Variants in PCDHA1 observed in about 807,000 individuals in gnomAD.
PCDHA1 encodes protocadherin alpha 1, also known as protocadherin alpha-1.
A neutral mutation model predicts 61.3 loss-of-function variants in PCDHA1; 42 were observed. The observed-to-expected ratio is 0.69, with a 90% CI of 0.54 to 0.89. PCDHA1 has a LOEUF of 0.89. PCDHA1 is among the 40% of genes least tolerant of loss of function. PCDHA1 has a pLI of 0.00. For missense variants in PCDHA1, 1,256 were observed against 1,235.3 expected (o/e 1.02, Z -0.25); for synonymous variants, 610 against 553.8 (o/e 1.10, Z -1.43).
chr5:140,879,010 G>T (rs2057809352), intron 1 of PCDHA1, among the ~76,000 whole-genome samples: 1 of 152,200 alleles, frequency 6.6e-6, no homozygotes, highest in African/African-American at 2.4e-5. Context: ...CTAGAAATCA[G>T]ATAATGTTTT....
At chr5:140,833,463 ATT>A (rs1554133852) in intron 1 of PCDHA1, among the ~76,000 whole-genome samples, 3 of 152,250 alleles carry the variant, frequency 2.0e-5, no homozygotes, top group Non-Finnish European at 4.4e-5. Context: ...ATAAACTTAC[ATT>A]TTAAAAGAAA....
intron 2 of PCDHA1, among the ~76,000 whole-genome samples, chr5:140,981,687 ATCATTCAT>A (rs200213847): frequency 3.3e-5 from 5 of 151,972 alleles, no homozygotes; most frequent in South Asian, 2.1e-4. Flanking sequence ...CCTCCCTTCC[ATCATTCAT>A]TCATTCATTC....
At chr5:140,858,451 T>C in intron 1 of PCDHA1, 1 of 1,531,552 alleles carries the variant, frequency 6.5e-7, no homozygotes, top group East Asian at 2.4e-5. Context: ...GTTATTACGT[T>C]TTCATTTTCC....
At position 140,850,229 on chromosome 5, in the gene PCDHA1, C is replaced by G. The variant is rs2150474580; in HGVS notation, c.2394+61545C>G. ...TGAGGGGCACTGACGGCGCAGTGAGCGAGATGGTGCTGCGGTCGGTGGGCG... is the reference window on the plus strand; with the variant it reads ...TGAGGGGCACTGACGGCGCAGTGAGGGAGATGGTGCTGCGGTCGGTGGGCG... On this transcript the variant is annotated intron_variant, in intron 1 of 3. Transcript: ENST00000504120. The G allele has an allele frequency of 9.4e-6, 15 of 1,593,582 alleles. No individual in the cohort carries two copies. In the East Asian group the frequency reaches 3.3e-4, roughly 36 times the overall value.
intron 1 of PCDHA1, chr5:140,835,670 C>A: frequency 6.2e-7 from 1 of 1,613,852 alleles, no homozygotes; most frequent in Non-Finnish European, 8.5e-7. Flanking sequence ...CCGCGCGGGA[C>A]GGGGGCTCGC....
chr5:140,966,351 T>C (rs2095993357), intron 1 of PCDHA1: 1 of 397,668 alleles, frequency 2.5e-6, no homozygotes, highest in South Asian at 1.4e-4. Flanking sequence ...GTGAAGGAGA[T>C]GGGGCTGGAG....
intron 1 of PCDHA1, chr5:140,805,434 T>G: frequency 1.9e-6 from 2 of 1,052,646 alleles, no homozygotes; most frequent in South Asian, 7.1e-5. Context: ...GTTGTTTTGG[T>G]TTTTGTGTGT....
intron 1 of PCDHA1, chr5:140,884,197 G>A (rs146010500): frequency 3.1e-6 from 5 of 1,613,234 alleles, no homozygotes; most frequent in Non-Finnish European, 4.2e-6. Context: ...TGGACGCGCC[G>A]CACCACCGCC....
chr5:140,928,293 G>GT (rs2085123670), intron 1 of PCDHA1: 1 of 1,614,032 alleles, frequency 6.2e-7, no homozygotes, highest in South Asian at 1.1e-5. Context: ...TAGGCCGAGT[G>GT]TTTGCCCAGG....
Position 140,849,622 on chromosome 5 carries a change from A to G in PCDHA1, c.2394+60938A>G. The G allele has an allele frequency of 1.9e-6, 3 of 1,598,702 alleles. 1 individual carries two copies. The highest frequency in any genetic ancestry group is 2.6e-6 in the Non-Finnish European group (3 of 1,167,960). On this transcript the variant is annotated intron_variant, in intron 1 of 3. Coordinates refer to ENST00000504120, the MANE Select transcript of PCDHA1 (RefSeq NM_018900.4). Reference sequence around the variant, plus strand: ...GTTATTGCCCTGATTAGTGTGATCGACCTAGACGCAGATGCCAACGGGCAG... The same window carrying G: ...GTTATTGCCCTGATTAGTGTGATCGGCCTAGACGCAGATGCCAACGGGCAG...
intron 3 of PCDHA1, among the ~76,000 whole-genome samples, chr5:141,002,612 C>G (rs1487847560): frequency 1.3e-5 from 2 of 152,178 alleles, no homozygotes; most frequent in Non-Finnish European, 2.9e-5. Context: ...AAAACAGACA[C>G]ATAACACAGA....
At chr5:140,809,397 C>T in intron 1 of PCDHA1, 8 of 1,614,128 alleles carry the variant, frequency 5.0e-6, no homozygotes, top group South Asian at 1.1e-5. Flanking sequence ...CCGGGCAAGC[C>T]CACGCTGGTG....
At chr5:141,008,723 C>G (rs1480694972) in intron 3 of PCDHA1, among the ~76,000 whole-genome samples, 1 of 152,110 alleles carries the variant, frequency 6.6e-6, no homozygotes, top group Non-Finnish European at 1.5e-5. Flanking sequence ...GAGTGTATGT[C>G]CAACTAGACT....
At chr5:140,962,220 T>A (rs1174731292) in intron 1 of PCDHA1, among the ~76,000 whole-genome samples, 2 of 152,186 alleles carry the variant, frequency 1.3e-5, no homozygotes, top group African/African-American at 4.8e-5. Flanking sequence ...GATCTTGAGG[T>A]TCAAGTTTCA....
At chr5:140,993,462 T>TCACACACACACACACA (rs3836747) in intron 3 of PCDHA1, among the ~76,000 whole-genome samples, 10 of 140,938 alleles carry the variant, frequency 7.1e-5, no homozygotes, top group African/African-American at 2.4e-4. Flanking sequence ...TCTTTCTTTC[T>TCACACACACACACACA]CACACACACA....
chr5:140,916,723 T>C (rs1264644464), intron 1 of PCDHA1, among the ~76,000 whole-genome samples: 1 of 152,186 alleles, frequency 6.6e-6, no homozygotes, highest in Non-Finnish European at 1.5e-5. Context: ...GGAGTGACTT[T>C]TGTTGCTGCA....
chr5:140,967,386 T>TA, intron 1 of PCDHA1: 1 of 1,609,114 alleles, frequency 6.2e-7, no homozygotes, highest in Non-Finnish European at 8.5e-7. Context: ...AGTAAAGTGC[T>TA]TGAGCTGGTG....
intron 1 of PCDHA1, chr5:140,967,835 G>T: frequency 6.2e-7 from 1 of 1,614,142 alleles, no homozygotes; most frequent in Non-Finnish European, 8.5e-7. Flanking sequence ...GGACATCGTG[G>T]ACGTGAATGA....
rs1554117334 is a variant in PCDHA1 at position 140,786,302 on chromosome 5, T to C, written c.12T>C (p.Ser4=). Residue 4 remains serine (S), a synonymous_variant, in exon 1 of 4, where the codon TCT becomes TCC. Transcript: ENST00000504120. ...GTAGTCCTTTTGCAATGGTGTTTTCTAGGAGAGGGGGCCTGGGAGCCCGGG... is the reference window on the plus strand; with the variant it reads ...GTAGTCCTTTTGCAATGGTGTTTTCCAGGAGAGGGGGCCTGGGAGCCCGGG... The part of the protein sequence containing the change: MVF[S]RRGGLGARDL... 1.2e-6 allele frequency: 2 copies of C among 1,606,050 alleles called. No homozygotes were observed. Among genetic ancestry groups the C allele is most frequent in the African/African-American group, 1.3e-5 (1 of 74,774 alleles).
Sources: gnomAD v4.1 joint callset for allele counts (sites outside exome capture counted in the v4.1 genomes callset) on GRCh38, gnomAD v4.1.1 for gene constraint, MANE v1.5 for transcripts, NCBI Gene and HGNC (gene_info 2026-07-23, HGNC 2026-07-21) for gene names.